PDE1C: variants seen among roughly 807,000 people sequenced by gnomAD.
PDE1C encodes dual specificity calcium/calmodulin-dependent 3',5'-cyclic nucleotide phosphodiesterase 1C.
In PDE1C, 62 loss-of-function variants were observed where a neutral mutation model predicts 93.1. The ratio of observed to expected loss-of-function variants is 0.67; its 90% CI spans 0.54 to 0.82. PDE1C has a LOEUF of 0.82. PDE1C is among the 40% of genes least tolerant of loss of function. The pLI, the probability that PDE1C is intolerant of heterozygous loss-of-function variation, is 0.00. For missense variants in PDE1C, 742 were observed against 884.6 expected (o/e 0.84, Z 2.04); for synonymous variants, 325 against 310.1 (o/e 1.05, Z -0.50).
intron 1 of PDE1C, among the ~76,000 whole-genome samples, chr7:32,325,449 G>A (rs1431793502): frequency 6.6e-6 from 1 of 152,116 alleles, no homozygotes; most frequent in Non-Finnish European, 1.5e-5. Flanking sequence ...TCTCAACAAG[G>A]CCACCTTATT....
At chr7:32,136,119 G>C (rs909237887) in intron 3 of PDE1C, among the ~76,000 whole-genome samples, 5 of 152,236 alleles carry the variant, frequency 3.3e-5, no homozygotes, top group African/African-American at 1.2e-4. Flanking sequence ...GGTAGAGGTG[G>C]GGAAAATGGG....
At chr7:32,308,245 G>A (rs1175933525) in intron 1 of PDE1C, among the ~76,000 whole-genome samples, 1 of 152,256 alleles carries the variant, frequency 6.6e-6, no homozygotes, top group Non-Finnish European at 1.5e-5. Flanking sequence ...AGCTCAAACT[G>A]GGTGGAGCCC....
At chr7:31,987,119 G>A (rs1250313495) in intron 2 of PDE1C, among the ~76,000 whole-genome samples, 1 of 151,984 alleles carries the variant, frequency 6.6e-6, no homozygotes, top group Non-Finnish European at 1.5e-5. Flanking sequence ...GCATGGACTA[G>A]GATTAACCTA....
the PDE1C span, among the ~76,000 whole-genome samples, chr7:31,622,405 A>G: frequency 1.3e-5 from 2 of 152,120 alleles, no homozygotes; most frequent in African/African-American, 2.4e-5. Context: ...ATAACAAACT[A>G]TCTCTCAGAC....
At chr7:31,783,997 C>T (rs1783659825) in intron 16 of PDE1C, 2 of 152,182 alleles carry the variant, frequency 1.3e-5, no homozygotes, top group Admixed American at 6.5e-5. Context: ...CTTCCTTATT[C>T]CTCCAAAGAA....
intron 1 of PDE1C, among the ~76,000 whole-genome samples, chr7:32,224,370 CAA>C (rs79814137): frequency 2.2e-5 from 3 of 139,102 alleles, no homozygotes; most frequent in Non-Finnish European, 3.1e-5. Context: ...GACTCCATCT[CAA>C]AAAAAAAAAA....
At chr7:32,315,803 C>T (rs765183628) in intron 1 of PDE1C, among the ~76,000 whole-genome samples, 103 of 152,098 alleles carry the variant, frequency 6.8e-4, no homozygotes, top group Non-Finnish European at 1.4e-3. Context: ...CGAGACCAGC[C>T]TAACCAACAT....
chr7:32,324,700 G>A (rs1281974722), intron 1 of PDE1C, among the ~76,000 whole-genome samples: 2 of 152,204 alleles, frequency 1.3e-5, no homozygotes. Context: ...TATAATCCCA[G>A]CACTTTGGGA....
At chr7:31,828,150 TA>T (rs1340120755) in intron 12 of PDE1C, 141 bp downstream of exon 12, 10 of 556,624 alleles carry the variant, frequency 1.8e-5, no homozygotes, top group African/African-American at 1.7e-4. Flanking sequence ...AGTGGTTCCA[TA>T]AATTGAATCA....
intron 1 of PDE1C, among the ~76,000 whole-genome samples, chr7:32,425,818 G>C (rs1392421308): frequency 6.6e-6 from 1 of 152,134 alleles, no homozygotes; most frequent in African/African-American, 2.4e-5. Context: ...GCATGTACCT[G>C]TAGTCCCAAC....
chr7:31,877,540 T>C (rs1796741267), intron 5 of PDE1C, among the ~76,000 whole-genome samples: 1 of 151,912 alleles, frequency 6.6e-6, no homozygotes, highest in African/African-American at 2.4e-5. Flanking sequence ...TAACTCTTTT[T>C]TTTTAAATCT....
intron 7 of PDE1C, among the ~76,000 whole-genome samples, chr7:31,859,371 G>T (rs370551464): frequency 2.7e-5 from 4 of 147,862 alleles, no homozygotes. Flanking sequence ...TATAGCCAAT[G>T]GTACAATAAT....
intron 2 of PDE1C, among the ~76,000 whole-genome samples, chr7:31,902,818 A>C (rs1316388236): frequency 6.6e-6 from 1 of 151,246 alleles, no homozygotes; most frequent in Non-Finnish European, 1.5e-5. Flanking sequence ...TACTATTTAT[A>C]ATATCGATTA....
intron 2 of PDE1C, among the ~76,000 whole-genome samples, chr7:31,963,112 C>T (rs771730223): frequency 1.1e-4 from 17 of 151,910 alleles, no homozygotes; most frequent in Non-Finnish European, 2.4e-4. Context: ...TTTTAAAAGC[C>T]AGATGGTCAA....
At position 32,341,173 on chromosome 7, in the gene PDE1C, C is replaced by CTATTTTTTTTTTT. The variant is rs796122014; in HGVS notation, c.310+86648_310+86649insAAAAAAAAAAATA. On this transcript the variant is annotated intron_variant, in intron 1 of 1. Coordinates refer to the PDE1C transcript ENST00000672256. ...CCTAAAACTACTCTAGAAATAAAGT[C>CTATTTTTTTTTTT]TTTTTTTTTTTTTTTTTTTTGAGAC... is the stretch of plus-strand genomic sequence containing the variant. Among the ~76,000 whole-genome samples, 431 of 84,932 alleles carry CTATTTTTTTTTTT rather than the reference C, an allele frequency of 5.1e-3. 23 individuals are homozygous for CTATTTTTTTTTTT. Among genetic ancestry groups the CTATTTTTTTTTTT allele is most frequent in the Middle Eastern group, 0.035 (3 of 86 alleles). The allele number at this position is 84,932 out of a possible 152,430, so 55.7% of individuals were successfully genotyped here. A position where few individuals can be genotyped will look rare whatever the true frequency, so the allele number is the denominator to read the frequency against.
chr7:32,350,574 ATATATATATATATATATT>A (rs1287595508), intron 1 of PDE1C, among the ~76,000 whole-genome samples: 103 of 1,100 alleles, frequency 0.094, 38 homozygotes, highest in Non-Finnish European at 0.25. Flanking sequence ...ATATATATAT[ATATATATATATATATATT>A]TTTTTTTTTT....
intron 1 of PDE1C, among the ~76,000 whole-genome samples, chr7:32,415,216 C>T (rs554239690): frequency 2.0e-5 from 3 of 152,006 alleles, no homozygotes; most frequent in Non-Finnish European, 4.4e-5. Context: ...TTGGAGAGGC[C>T]GAAGTGGGCA....
At position 32,254,392 on chromosome 7, in the gene PDE1C, T is replaced by C. The variant is rs537211454; in HGVS notation, c.85+44259A>G. 1.8e-4 allele frequency among the ~76,000 whole-genome samples: 27 copies of C among 152,276 alleles called. 1 individual carries two copies. The South Asian group carries it at 5.6e-3, about 32-fold the overall frequency. On this transcript the variant is annotated intron_variant, in intron 1 of 18. Transcript: ENST00000396193. Reference sequence around the variant, plus strand: ...ACATTCATGAGAAGGCACAGAACTTTGTGTGTTGGCCCTGGTGGAAAAAGC... The same window carrying C: ...ACATTCATGAGAAGGCACAGAACTTCGTGTGTTGGCCCTGGTGGAAAAAGC...
chr7:32,404,928 C>G (rs891688556), intron 1 of PDE1C, among the ~76,000 whole-genome samples: 1 of 152,206 alleles, frequency 6.6e-6, no homozygotes, highest in African/African-American at 2.4e-5. Flanking sequence ...TTGCTTTTCT[C>G]ACTTAAAATA....
Sources: allele counts gnomAD v4.1 joint callset (sites outside exome capture counted in the v4.1 genomes callset), GRCh38; gene constraint gnomAD v4.1.1; transcripts MANE v1.5; gene names NCBI Gene and HGNC (gene_info 2026-07-23, HGNC 2026-07-21).